CPNE4: variants seen among roughly 807,000 people sequenced by gnomAD.
CPNE4 encodes copine-4.
A neutral mutation model predicts 67.9 loss-of-function variants in CPNE4; 25 were observed. The ratio of observed to expected loss-of-function variants is 0.37; its 90% confidence interval spans 0.27 to 0.51. The LOEUF (loss-of-function observed/expected upper bound fraction) is 0.51. Among genes scored for constraint, CPNE4 ranks in the 20% least tolerant of loss-of-function variants. The pLI is 0.93. For missense variants in CPNE4, 464 were observed against 690.8 expected (o/e 0.67, Z 3.68); for synonymous variants, 242 against 244.9 (o/e 0.99, Z 0.11).
chr3:131,940,244 G>A (rs193016075), intron 1 of CPNE4, among the ~76,000 whole-genome samples: 13 of 152,214 alleles, frequency 8.5e-5, no homozygotes, highest in Middle Eastern at 6.8e-3. Context: ...CATAATGTAT[G>A]AATCTTCTAG....
chr3:131,610,906 G>T (rs1382972758), intron 7 of CPNE4, among the ~76,000 whole-genome samples: 3 of 152,136 alleles, frequency 2.0e-5, no homozygotes, highest in Admixed American at 6.6e-5. Flanking sequence ...CTAGGTAGGT[G>T]AACAGGACAA....
At chr3:131,757,803 G>A (rs1419357730) in intron 2 of CPNE4, among the ~76,000 whole-genome samples, 1 of 152,162 alleles carries the variant, frequency 6.6e-6, no homozygotes, top group Non-Finnish European at 1.5e-5. Context: ...GCAGCCTAGG[G>A]AATTGGTGCC....
chr3:131,538,376 C>A (rs1935288359), intron 15 of CPNE4, among the ~76,000 whole-genome samples: 1 of 152,168 alleles, frequency 6.6e-6, no homozygotes. Context: ...CCCAAAGGAT[C>A]CCCCATCCCC....
chr3:131,917,877 G>C (rs16838080), intron 1 of CPNE4, among the ~76,000 whole-genome samples: 5,400 of 152,228 alleles, frequency 0.035, 313 homozygotes, highest in African/African-American at 0.12. Flanking sequence ...TGGATTTCTA[G>C]TTCTCACTGA....
intron 1 of CPNE4, among the ~76,000 whole-genome samples, chr3:132,012,125 C>T (rs1470042169): frequency 6.6e-6 from 1 of 151,444 alleles, no homozygotes; most frequent in Admixed American, 6.6e-5. Flanking sequence ...TATATAAAAT[C>T]ATGGGTCTAT....
At chr3:131,819,702 T>C (rs981471770) in intron 2 of CPNE4, among the ~76,000 whole-genome samples, 5 of 152,180 alleles carry the variant, frequency 3.3e-5, no homozygotes, top group South Asian at 2.1e-4. Flanking sequence ...TTTTAAATAA[T>C]TACATTGAAA....
At position 131,803,506 on chromosome 3, in the gene CPNE4, A is replaced by C. The variant is rs2084205205; in HGVS notation, c.181-79881T>G. Reference sequence around the variant, plus strand: ...TCTCCTCAAATGAGATATTCAGGTAAGAATACTCTGAAGGCATAGACATCT... The same window carrying C: ...TCTCCTCAAATGAGATATTCAGGTACGAATACTCTGAAGGCATAGACATCT... On this transcript the variant is annotated intron_variant, in intron 2 of 15. Transcript: ENST00000429747. Among the ~76,000 whole-genome samples the C allele has an allele frequency of 1.3e-5, 2 of 152,242 alleles. 1 individual carries two copies. Among genetic ancestry groups the C allele is most frequent in the South Asian group, 4.1e-4 (2 of 4,836 alleles).
At chr3:131,813,272 T>C (rs1290241500) in intron 2 of CPNE4, among the ~76,000 whole-genome samples, 1 of 151,460 alleles carries the variant, frequency 6.6e-6, no homozygotes, top group Non-Finnish European at 1.5e-5. Context: ...TTGAAGTTTG[T>C]AAAATATGTT....
intron 11 of CPNE4, among the ~76,000 whole-genome samples, chr3:131,562,107 T>C (rs1395904368): frequency 6.6e-6 from 1 of 152,100 alleles, no homozygotes; most frequent in Non-Finnish European, 1.5e-5. Context: ...TGATTCTTCA[T>C]GTAACTCTTA....
At chr3:131,923,573 T>C (rs1703211488) in intron 1 of CPNE4, among the ~76,000 whole-genome samples, 1 of 151,634 alleles carries the variant, frequency 6.6e-6, no homozygotes, top group African/African-American at 2.4e-5. Flanking sequence ...GGCATGGTGA[T>C]GCATGCCTAT....
At chr3:131,636,261 C>G (rs2079382416) in intron 7 of CPNE4, among the ~76,000 whole-genome samples, 1 of 152,130 alleles carries the variant, frequency 6.6e-6, no homozygotes, top group Non-Finnish European at 1.5e-5. Flanking sequence ...TGGTCACTGA[C>G]TGCCTGAAAA....
intron 11 of CPNE4, among the ~76,000 whole-genome samples, chr3:131,559,930 A>G (rs1269947172): frequency 6.6e-6 from 1 of 152,100 alleles, no homozygotes; most frequent in Non-Finnish European, 1.5e-5. Flanking sequence ...TTATCACTAT[A>G]TAAACTCATG....
intron 1 of CPNE4, among the ~76,000 whole-genome samples, chr3:131,911,403 A>G (rs1245512754): frequency 6.6e-6 from 1 of 152,180 alleles, no homozygotes. Flanking sequence ...GTGATTCCAA[A>G]TAACCTGCAA....
chr3:131,558,337 G>A (rs950583782), intron 11 of CPNE4, among the ~76,000 whole-genome samples: 3 of 151,992 alleles, frequency 2.0e-5, no homozygotes, highest in Non-Finnish European at 4.4e-5. Flanking sequence ...AAGAAAGCAA[G>A]TTGAACACAA....
chr3:131,950,657 A>C (rs1353551973), intron 1 of CPNE4, among the ~76,000 whole-genome samples: 2 of 152,186 alleles, frequency 1.3e-5, no homozygotes, highest in Non-Finnish European at 1.5e-5. Flanking sequence ...CAAATACAGA[A>C]TCTGTGAATA....
intron 2 of CPNE4, among the ~76,000 whole-genome samples, chr3:131,849,187 C>T (rs1444997434): frequency 6.6e-6 from 1 of 152,090 alleles, no homozygotes; most frequent in Admixed American, 6.6e-5. Flanking sequence ...CATATTTCCC[C>T]ACATCTTGAC....
chr3:131,870,985 G>A (rs1020291124), intron 2 of CPNE4, among the ~76,000 whole-genome samples: 5 of 152,098 alleles, frequency 3.3e-5, no homozygotes, highest in African/African-American at 1.2e-4. Flanking sequence ...AGTGTGATAA[G>A]GGGTGGGGAA....
At chr3:131,586,726 ATCTGTCTGTCTG>A (rs3039201) in intron 8 of CPNE4, among the ~76,000 whole-genome samples, 1,387 of 129,686 alleles carry the variant, frequency 0.011, 8 homozygotes, top group Middle Eastern at 0.056. Context: ...TTCTATCTCT[ATCTGTCTGTCTG>A]TCTGTCTGTC....
chr3:131,986,213 T>C (rs1463733252), intron 1 of CPNE4, among the ~76,000 whole-genome samples: 1 of 152,146 alleles, frequency 6.6e-6, no homozygotes, highest in African/African-American at 2.4e-5. Flanking sequence ...ACCAGCTCTC[T>C]AGGAGGAAGT....
Sources: allele counts gnomAD v4.1 joint callset (sites outside exome capture counted in the v4.1 genomes callset), GRCh38; gene constraint gnomAD v4.1.1; transcripts MANE v1.5; gene names NCBI Gene and HGNC (gene_info 2026-07-23, HGNC 2026-07-21).